The following RBFOX1 variants were observed in gnomAD, a reference collection of about 807,000 sequenced individuals.
RBFOX1 encodes RNA binding protein fox-1 homolog 1.
Under a neutral mutation model 57.7 loss-of-function variants are expected in RBFOX1, and 8 were observed. That is an observed-to-expected ratio of 0.14 (90% confidence interval 0.08 to 0.25). The LOEUF (loss-of-function observed/expected upper bound fraction) is 0.25. Among genes scored for constraint, RBFOX1 ranks in the 10% least tolerant of loss-of-function variants. RBFOX1 has a pLI of 1.00. For missense variants in RBFOX1, 611 were observed against 548.5 expected (o/e 1.11, Z -1.14); for synonymous variants, 326 against 222.4 (o/e 1.47, Z -4.15).
intron 4 of RBFOX1, among the ~76,000 whole-genome samples, chr16:7,463,534 C>G (rs1365127033): frequency 6.6e-6 from 1 of 152,156 alleles, no homozygotes. Flanking sequence ...AAATCCCCAT[C>G]AACAGAGTCC....
intron 4 of RBFOX1, among the ~76,000 whole-genome samples, chr16:7,456,694 C>A (rs2058577431): frequency 6.6e-6 from 1 of 152,128 alleles, no homozygotes; most frequent in Non-Finnish European, 1.5e-5. Flanking sequence ...CTGGGATGTT[C>A]ACCTTCCTGA....
At chr16:6,726,132 G>A (rs1603464154) in intron 3 of RBFOX1, among the ~76,000 whole-genome samples, 2 of 152,192 alleles carry the variant, frequency 1.3e-5, no homozygotes, top group East Asian at 3.9e-4. Context: ...CCAGGAGGGG[G>A]CAGTAAATTT....
At chr16:5,244,090 T>C (rs1418375469) in intron 1 of RBFOX1, among the ~76,000 whole-genome samples, 1 of 151,332 alleles carries the variant, frequency 6.6e-6, no homozygotes, top group Non-Finnish European at 1.5e-5. Context: ...AGATATGAGG[T>C]TTCACCACGT....
chr16:6,741,544 C>T (rs1200772697), intron 3 of RBFOX1, among the ~76,000 whole-genome samples: 1 of 151,772 alleles, frequency 6.6e-6, no homozygotes, highest in African/African-American at 2.4e-5. Context: ...TGGTGCGCAC[C>T]TGTAATCCCA....
chr16:5,394,765 T>G (rs1486153380), intron 1 of RBFOX1, among the ~76,000 whole-genome samples: 1 of 152,068 alleles, frequency 6.6e-6, no homozygotes, highest in Non-Finnish European at 1.5e-5. Context: ...TCCAGGCTGG[T>G]CTTGAACTCC....
intron 4 of RBFOX1, among the ~76,000 whole-genome samples, chr16:7,316,934 T>G (rs967008104): frequency 3.4e-5 from 5 of 148,500 alleles, no homozygotes; most frequent in Non-Finnish European, 7.4e-5. Flanking sequence ...TAGAGTTGGA[T>G]TTTTTGCCAA....
chr16:5,283,657 G>A (rs549219838), intron 1 of RBFOX1, among the ~76,000 whole-genome samples: 17 of 151,916 alleles, frequency 1.1e-4, no homozygotes, highest in South Asian at 4.2e-4. Flanking sequence ...TTGGGCTTGC[G>A]TGGGGCCTGT....
chr16:6,738,403 C>T (rs937413830), intron 3 of RBFOX1, among the ~76,000 whole-genome samples: 2 of 151,986 alleles, frequency 1.3e-5, no homozygotes, highest in Non-Finnish European at 2.9e-5. Context: ...TATAGAGCAT[C>T]AGAGTGGAGA....
chr16:5,892,944 T>G (rs2058080908), intron 4 of RBFOX1, among the ~76,000 whole-genome samples: 1 of 152,156 alleles, frequency 6.6e-6, no homozygotes, highest in Non-Finnish European at 1.5e-5. Flanking sequence ...AAAGCTGGCC[T>G]TCTCCCAATG....
chr16:6,607,598 C>G (rs151075109), intron 2 of RBFOX1, among the ~76,000 whole-genome samples: 1 of 151,654 alleles, frequency 6.6e-6, no homozygotes, highest in East Asian at 1.9e-4. Context: ...TCCTCTCTCT[C>G]TCTCCTCTCT....
intron 4 of RBFOX1, among the ~76,000 whole-genome samples, chr16:7,066,812 G>C (rs1456578241): frequency 6.6e-6 from 1 of 152,126 alleles, no homozygotes. Context: ...TCAATAAGAG[G>C]AGCACTTGAT....
chr16:5,331,195 A>G (rs1361544628), intron 1 of RBFOX1, among the ~76,000 whole-genome samples: 1 of 152,098 alleles, frequency 6.6e-6, no homozygotes, highest in African/African-American at 2.4e-5. Flanking sequence ...GACATTGGTT[A>G]TTTAATCTGT....
At chr16:7,651,009 G>C (rs1323795635) in intron 11 of RBFOX1, among the ~76,000 whole-genome samples, 4 of 152,172 alleles carry the variant, frequency 2.6e-5, no homozygotes, top group Non-Finnish European at 1.5e-5. Context: ...AAGAAACTCA[G>C]GTGCTAGGAG....
At chr16:7,007,012 A>G (rs758328477) in intron 3 of RBFOX1, among the ~76,000 whole-genome samples, 1 of 152,104 alleles carries the variant, frequency 6.6e-6, no homozygotes, top group African/African-American at 2.4e-5. Context: ...AATACATATG[A>G]TCTCACGGTT....
At chr16:7,450,037 G>C (rs1310887380) in intron 4 of RBFOX1, among the ~76,000 whole-genome samples, 1 of 152,078 alleles carries the variant, frequency 6.6e-6, no homozygotes. Context: ...AGCTTTTCTG[G>C]GTGTGGATTT....
At chr16:7,253,780 G>A (rs1241474975) in intron 4 of RBFOX1, among the ~76,000 whole-genome samples, 1 of 152,080 alleles carries the variant, frequency 6.6e-6, no homozygotes, top group Non-Finnish European at 1.5e-5. Context: ...CTTGTGACTG[G>A]GAGTTCATGA....
chr16:7,319,173 A>G (rs922845963), intron 4 of RBFOX1, among the ~76,000 whole-genome samples: 4 of 152,212 alleles, frequency 2.6e-5, no homozygotes, highest in African/African-American at 9.7e-5. Context: ...GAGGCCAGCC[A>G]GGGAATCTCC....
intron 3 of RBFOX1, among the ~76,000 whole-genome samples, chr16:6,768,606 CAT>C (rs928881621): frequency 4.6e-5 from 7 of 151,698 alleles, no homozygotes; most frequent in East Asian, 1.9e-4. Flanking sequence ...CATCTACAAA[CAT>C]ATATGATTTG....
chr16:7,463,112 C>T (rs563348833), intron 4 of RBFOX1, among the ~76,000 whole-genome samples: 2 of 152,298 alleles, frequency 1.3e-5, no homozygotes, highest in South Asian at 2.1e-4. Flanking sequence ...GAGTGAATGT[C>T]AGGTAAGGGC....
Sources: gnomAD v4.1 joint callset for allele counts (sites outside exome capture counted in the v4.1 genomes callset) on GRCh38, gnomAD v4.1.1 for gene constraint, MANE v1.5 for transcripts, NCBI Gene and HGNC (gene_info 2026-07-23, HGNC 2026-07-21) for gene names.